KIAA0408: variants seen among roughly 807,000 people sequenced by gnomAD.
The protein encoded by KIAA0408 is KIAA0408.
Under a neutral mutation model 60.9 loss-of-function variants are expected in KIAA0408, and 51 were observed. The observed-to-expected ratio is 0.84, with a 90% CI of 0.67 to 1.06. KIAA0408 has a LOEUF of 1.06. Ranked by LOEUF, KIAA0408 falls within the 50% of genes least tolerant of loss-of-function variation. KIAA0408 has a pLI of 0.00. For missense variants in KIAA0408, 787 were observed against 833.9 expected, an observed-to-expected ratio of 0.94 and a Z score of 0.69; for synonymous variants, 304 against 282.4, an observed-to-expected ratio of 1.08 and a Z score of -0.77.
In KIAA0408 at chr6:127,439,835, A is replaced by C. The variant is rs1773076627; in HGVS notation, c.*4274T>G. 6.6e-6 allele frequency: 1 copy of C among 152,218 alleles called. No individual in the cohort carries two copies. The highest frequency in any genetic ancestry group is 1.5e-5 in the Non-Finnish European group (1 of 68,030). The allele number at this position is 152,218 out of a possible 1,614,324, so 9.4% of individuals were successfully genotyped here. ...GTCGTGGAATATGAATTTGCTTTGC[A>C]AACAATAAGGTCATAGATGCACATG... On this transcript the variant is annotated 3_prime_UTR_variant, in exon 6 of 6. Transcript: ENST00000483725.
In KIAA0408 at chr6:127,438,554, G is replaced by A. The variant is rs1192351223; in HGVS notation, c.*5555C>T. ...ATATGATCTGAGAAACGTGTTCTCA[G>A]GTGATTTCATCACTGAGCGAACATC... is the stretch of plus-strand genomic sequence containing the variant. On this transcript the variant is annotated 3_prime_UTR_variant, in exon 6 of 6. Transcript: ENST00000483725. The A allele has an allele frequency of 6.6e-6, 1 of 152,136 alleles. No individual in the cohort carries two copies. Among genetic ancestry groups the A allele is most frequent in the Non-Finnish European group, 1.5e-5 (1 of 68,032 alleles). 9.4% of individuals were successfully genotyped at this position (152,136 alleles called of 1,614,324 possible).
chr6:127,454,175 C>G (rs1051148778), intron 1 of KIAA0408, 74 bp from the exon 2 acceptor site: 88 of 1,241,142 alleles, frequency 7.1e-5, no homozygotes, highest in Non-Finnish European at 8.4e-5. Context: ...TTTTGTCGAG[C>G]CATTGACATA....
At position 127,444,068 on chromosome 6, in the gene KIAA0408, G is replaced by A; in HGVS notation, c.*41C>T. The A allele has an allele frequency of 6.3e-7, 1 of 1,590,322 alleles. No homozygotes were observed. Among genetic ancestry groups the A allele is most frequent in the Non-Finnish European group, 8.6e-7 (1 of 1,160,344 alleles). On this transcript the variant is annotated 3_prime_UTR_variant, in exon 6 of 6. Transcript: ENST00000483725. The stretch of plus-strand genomic sequence containing the variant: ...ACTCAGAATGCTCTGTTTGACAAGT[G>A]GGACTAGAACTTCTGTAATATAGCA...
chr6:127,441,659 C>G lies in KIAA0408; in HGVS notation c.*2450G>C, dbSNP rs552355238. 1 of 152,158 alleles carries G rather than the reference C, an allele frequency of 6.6e-6. No individual in the cohort carries two copies. Among genetic ancestry groups the G allele is most frequent in the East Asian group, 1.9e-4 (1 of 5,184 alleles). 9.4% of individuals were successfully genotyped at this position (152,158 alleles called of 1,614,324 possible). ...AGGGCATATTCTAGGGAAGAAAATGCCCACCTAAAGTAGAAATTTACCAGT... is the reference window on the plus strand; with the variant it reads ...AGGGCATATTCTAGGGAAGAAAATGGCCACCTAAAGTAGAAATTTACCAGT... On this transcript the variant is annotated 3_prime_UTR_variant, in exon 6 of 6. Transcript: ENST00000483725.
At chr6:127,446,297 G>A (rs1773191865) in intron 5 of KIAA0408, 111 bp downstream of exon 5, 2 of 1,498,208 alleles carry the variant, frequency 1.3e-6, no homozygotes, top group East Asian at 4.5e-5. Context: ...AGGCTAAGAA[G>A]AGTCCAAAAC....
rs1247541770 is a variant in KIAA0408 at position 127,439,821 on chromosome 6, T to A, written c.*4288A>T. On this transcript the variant is annotated 3_prime_UTR_variant, in exon 6 of 6. Coordinates refer to ENST00000483725, the MANE Select transcript of KIAA0408 (RefSeq NM_014702.5). ...TAAGAAGCAGACAAGTCGTGGAATA[T>A]GAATTTGCTTTGCAAACAATAAGGT... The A allele has an allele frequency of 6.6e-6, 1 of 152,216 alleles. No individual in the cohort carries two copies. The highest frequency in any genetic ancestry group is 1.5e-5 in the Non-Finnish European group (1 of 68,032). 9.4% of individuals were successfully genotyped at this position (152,216 alleles called of 1,614,324 possible). A position where few individuals can be genotyped will look rare whatever the true frequency, so the allele number is the denominator to read the frequency against.
In KIAA0408 at chr6:127,444,218, C is replaced by T. The variant is rs767029394; in HGVS notation, c.1976G>A (p.Arg659His). The change falls in exon 6 of 6, where the codon CGT becomes CAT. Residue 659 changes from arginine to histidine, a missense_variant. Arg to His is a conservative substitution (Grantham distance 29). Around this residue, in one of 3 missense-constraint regions of KIAA0408, gnomAD observed 133 missense variants for 119.2 expected, o/e 1.12. Transcript: ENST00000483725. Reference protein sequence around the residue: ...GFSRPARPANRRLPSRWASRS... With the variant: ...GFSRPARPANHRLPSRWASRS... ...GGATGCCCATCTGGAGGGGAGACGA[C>T]GATTTGCTGGTCTAGCAGGTCGGGA... 2.7e-5 allele frequency: 44 copies of T among 1,612,884 alleles called. No individual in the cohort carries two copies. In the East Asian group the frequency reaches 6.5e-4, roughly 24 times the overall value.
rs1210155176 is a variant in KIAA0408 at position 127,438,681 on chromosome 6, G to A, written c.*5428C>T. 6.6e-6 allele frequency: 1 copy of A among 152,110 alleles called. No homozygotes were observed. The highest frequency in any genetic ancestry group is 6.6e-5 in the Admixed American group (1 of 15,266). The allele number at this position is 152,110 out of a possible 1,614,324, so 9.4% of individuals were successfully genotyped here. A position where few individuals can be genotyped will look rare whatever the true frequency, so the allele number is the denominator to read the frequency against. On this transcript the variant is annotated 3_prime_UTR_variant, in exon 6 of 6. Transcript: ENST00000483725. ...GCATGTTACTGTACTGAATACTAAA[G>A]GCAATTGTAACACAATGATATCTGT...
intron 2 of KIAA0408, among the ~76,000 whole-genome samples, chr6:127,453,075 TAAC>T (rs1583071008): frequency 6.6e-6 from 1 of 152,066 alleles, no homozygotes; most frequent in Non-Finnish European, 1.5e-5. Context: ...AGTCTTAAAA[TAAC>T]AACTTTGGTA....
In KIAA0408 at chr6:127,451,262, T is replaced by C. The variant is rs149509185; in HGVS notation, c.136-910A>G. ...TATTATTCAAGTAATATAATAGATT[T>C]ATTGCTGCTTAATACATACCGATAA... On this transcript the variant is annotated intron_variant, in intron 2 of 5. Coordinates refer to ENST00000483725, the MANE Select transcript of KIAA0408 (RefSeq NM_014702.5). 51 of 454,954 alleles carry C rather than the reference T, an allele frequency of 1.1e-4. No individual in the cohort carries two copies. The East Asian group carries it at 3.3e-3, about 30-fold the overall frequency. The allele number at this position is 454,954 out of a possible 1,614,324, so 28.2% of individuals were successfully genotyped here.
At chr6:127,447,796 C>G in intron 4 of KIAA0408, 56 bp from the exon 5 acceptor site, 2 of 1,455,052 alleles carry the variant, frequency 1.4e-6, no homozygotes, top group Non-Finnish European at 9.1e-7. Flanking sequence ...AATAAGCTCT[C>G]AAAAGCAAAC....
rs1773216133 is a variant in KIAA0408 at position 127,447,239 on chromosome 6, C to T, written c.1080G>A (p.Met360Ile). Residue 360 changes from methionine to isoleucine, a missense_variant, in exon 5 of 6, where the codon ATG (methionine) becomes ATA (isoleucine). Around this residue, in one of 3 missense-constraint regions of KIAA0408, gnomAD observed 640 missense variants for 681.3 expected, o/e 0.94. Transcript: ENST00000483725. ...PPSNEDVGLS[M>I]WSCDIGIGAK... ...CACCTATCCCAATGTCACATGACCA[C>T]ATGCTAAGTCCAACATCTTCATTAC... 5 of 1,613,608 alleles carry T rather than the reference C, an allele frequency of 3.1e-6. No individual in the cohort carries two copies. Among genetic ancestry groups the T allele is most frequent in the African/African-American group, 1.3e-5 (1 of 75,034 alleles).
At position 127,440,697 on chromosome 6, in the gene KIAA0408, TA is replaced by T. The variant is rs11450965; in HGVS notation, c.*3411del. 6.6e-6 allele frequency: 1 copy of T among 151,984 alleles called. No individual in the cohort carries two copies. Among genetic ancestry groups the T allele is most frequent in the Non-Finnish European group, 1.5e-5 (1 of 68,012 alleles). 9.4% of individuals were successfully genotyped at this position (151,984 alleles called of 1,614,324 possible). A position where few individuals can be genotyped will look rare whatever the true frequency, so the allele number is the denominator to read the frequency against. ...GAATTTAAAGCAAATAGTACTGTAA[TA>T]AAAAAATCTGATTTTCCTGAAAATG... On this transcript the variant is annotated 3_prime_UTR_variant, in exon 6 of 6. Transcript: ENST00000483725.
chr6:127,444,614 T>C (rs576467982), intron 5 of KIAA0408, among the ~76,000 whole-genome samples: 2 of 152,304 alleles, frequency 1.3e-5, no homozygotes, highest in South Asian at 2.1e-4. Flanking sequence ...CAGATGTTTC[T>C]TAGTGCGCTG....
chr6:127,455,664 A>G (rs1466353910), intron 1 of KIAA0408, among the ~76,000 whole-genome samples: 2 of 152,102 alleles, frequency 1.3e-5, no homozygotes, highest in African/African-American at 4.8e-5. Flanking sequence ...ATTTTTTCCT[A>G]TGTCTTTGGC....
intron 2 of KIAA0408, chr6:127,451,160 TCAAAAG>T (rs1319130873): frequency 5.3e-6 from 2 of 380,714 alleles, no homozygotes; most frequent in Non-Finnish European, 1.0e-5. Context: ...TTGTCAAACT[TCAAAAG>T]AGACTGTCAG....
Position 127,442,408 on chromosome 6 carries a change from A to T in KIAA0408, c.*1701T>A, listed in dbSNP as rs887917687. 17 of 152,238 alleles carry T rather than the reference A, an allele frequency of 1.1e-4. No homozygotes were observed. Among genetic ancestry groups the T allele is most frequent in the African/African-American group, 3.6e-4 (15 of 41,462 alleles). 9.4% of individuals were successfully genotyped at this position (152,238 alleles called of 1,614,324 possible). On this transcript the variant is annotated 3_prime_UTR_variant, in exon 6 of 6. Transcript: ENST00000483725. ...CTGGAAAGCATATTATGAGAGTGATATTACTTGGTGTCTAGTTTACTTTTC... is the reference window on the plus strand; with the variant it reads ...CTGGAAAGCATATTATGAGAGTGATTTTACTTGGTGTCTAGTTTACTTTTC...
chr6:127,448,203 TA>T (rs1773238143), intron 4 of KIAA0408, among the ~76,000 whole-genome samples: 1 of 152,130 alleles, frequency 6.6e-6, no homozygotes, highest in Non-Finnish European at 1.5e-5. Flanking sequence ...CAAATCTGAA[TA>T]AAAGTGCAAT....
chr6:127,455,568 A>T (rs2114805939), intron 1 of KIAA0408, among the ~76,000 whole-genome samples: 1 of 152,300 alleles, frequency 6.6e-6, no homozygotes, highest in East Asian at 1.9e-4. Context: ...CTATATATGC[A>T]GGGTTCTACC....
Sources: allele counts gnomAD v4.1 joint callset (sites outside exome capture counted in the v4.1 genomes callset), GRCh38; gene constraint gnomAD v4.1.1; regional missense constraint gnomAD v4.1.1; transcripts MANE v1.5; gene names NCBI Gene and HGNC (gene_info 2026-07-23, HGNC 2026-07-21).